Variants in GPATCH2 observed in about 807,000 individuals in gnomAD.
GPATCH2 encodes the protein G-patch domain containing 2.
In GPATCH2, 51 loss-of-function variants were observed where a neutral mutation model predicts 58.0. The ratio of observed to expected loss-of-function variants is 0.88; its 90% confidence interval spans 0.70 to 1.11. The LOEUF (loss-of-function observed/expected upper bound fraction) is 1.11. Among genes scored for constraint, GPATCH2 ranks in the 50% most tolerant of loss-of-function variants. GPATCH2 has a pLI of 0.00. For synonymous variants in GPATCH2, 222 were observed against 218.5 expected (o/e 1.02, Z -0.14); for missense variants, 625 against 652.2 (o/e 0.96, Z 0.45).
rs370931298 is a variant in GPATCH2 at position 217,448,678 on chromosome 1, T to C, written c.1366+571A>G. Reference sequence around the variant, plus strand: ...AGTCTTCTCAATACCACGCTCATTATTAGAATGGCATATTATTAGAACGAC... The same window carrying C: ...AGTCTTCTCAATACCACGCTCATTACTAGAATGGCATATTATTAGAACGAC... On this transcript the variant is annotated intron_variant, in intron 9 of 9. Coordinates refer to ENST00000366935, the MANE Select transcript of GPATCH2 (RefSeq NM_018040.5). 2.9e-4 allele frequency among the ~76,000 whole-genome samples: 44 copies of C among 152,212 alleles called. 3 individuals carry two copies. Among genetic ancestry groups the C allele is most frequent in the Admixed American group, 1.8e-3 (28 of 15,282 alleles).
At chr1:217,520,440 C>G (rs1010326579) in intron 5 of GPATCH2, among the ~76,000 whole-genome samples, 1 of 152,162 alleles carries the variant, frequency 6.6e-6, no homozygotes, top group South Asian at 2.1e-4. Context: ...AAAGGCCCAT[C>G]AGGTTCCTAT....
At chr1:217,548,508 C>T (rs1339153217) in intron 5 of GPATCH2, among the ~76,000 whole-genome samples, 1 of 152,172 alleles carries the variant, frequency 6.6e-6, no homozygotes, top group Non-Finnish European at 1.5e-5. Context: ...GAAAAGAATA[C>T]TTTGAATATT....
At chr1:217,454,888 C>T (rs984761705) in intron 8 of GPATCH2, among the ~76,000 whole-genome samples, 2 of 152,202 alleles carry the variant, frequency 1.3e-5, no homozygotes, top group Admixed American at 6.5e-5. Context: ...CCCACCTCTG[C>T]CTCCCAAAGT....
At chr1:217,444,629 A>T (rs1214670891) in intron 9 of GPATCH2, among the ~76,000 whole-genome samples, 4 of 152,234 alleles carry the variant, frequency 2.6e-5, no homozygotes, top group African/African-American at 9.6e-5. Context: ...ACACAACCGA[A>T]GAGTGGGCTG....
chr1:217,573,313 G>T (rs1666653593), intron 5 of GPATCH2, among the ~76,000 whole-genome samples: 1 of 151,956 alleles, frequency 6.6e-6, no homozygotes, highest in Admixed American at 6.6e-5. Flanking sequence ...AATGAGGAAA[G>T]TTGCATTAGA....
At chr1:217,523,772 T>A (rs1383018193) in intron 5 of GPATCH2, among the ~76,000 whole-genome samples, 2 of 146,690 alleles carry the variant, frequency 1.4e-5, no homozygotes, top group African/African-American at 5.2e-5. Flanking sequence ...GCCCCTCACC[T>A]CCCGGACGGG....
rs1658405602 is a variant in GPATCH2, at chr1:217,428,529, C to T, written c.*2616G>A. 2 of 152,146 alleles carry T rather than the reference C, an allele frequency of 1.3e-5. No individual in the cohort carries two copies. The highest frequency in any genetic ancestry group is 4.8e-5 in the African/African-American group (2 of 41,428). The allele number at this position is 152,146 out of a possible 1,614,324, so 9.4% of individuals were successfully genotyped here. The stretch of plus-strand genomic sequence containing the variant: ...TTCAGGTACAACCAGAACATCAGGT[C>T]TGTACTGAGTTTTCTTAAAGACTGA... On this transcript the variant is annotated 3_prime_UTR_variant, in exon 10 of 10. Transcript: ENST00000366935.
chr1:217,509,901 GA>G (rs1025692301), intron 6 of GPATCH2, among the ~76,000 whole-genome samples: 16 of 151,938 alleles, frequency 1.1e-4, no homozygotes, highest in Non-Finnish European at 2.2e-4. Flanking sequence ...AAACTTAAAG[GA>G]AAAAATAAGA....
intron 6 of GPATCH2, among the ~76,000 whole-genome samples, chr1:217,506,472 G>A (rs1662569111): frequency 6.6e-6 from 1 of 152,192 alleles, no homozygotes; most frequent in African/African-American, 2.4e-5. Context: ...AGGGCAAGAT[G>A]ACAGAGTATT....
chr1:217,554,354 G>A (rs1175515413), intron 5 of GPATCH2, among the ~76,000 whole-genome samples: 1 of 152,162 alleles, frequency 6.6e-6, no homozygotes, highest in Non-Finnish European at 1.5e-5. Flanking sequence ...AGCTCTGAAA[G>A]TCACAGCAGC....
intron 5 of GPATCH2, among the ~76,000 whole-genome samples, chr1:217,562,811 C>G (rs1027497948): frequency 6.6e-6 from 1 of 152,138 alleles, no homozygotes; most frequent in Admixed American, 6.5e-5. Context: ...CTCTCTAATT[C>G]ATGCAGTTGT....
At chr1:217,538,189 GT>G (rs1297045036) in intron 5 of GPATCH2, among the ~76,000 whole-genome samples, 1 of 152,126 alleles carries the variant, frequency 6.6e-6, no homozygotes, top group Non-Finnish European at 1.5e-5. Flanking sequence ...TGATATATTC[GT>G]TCATGCTTTT....
intron 5 of GPATCH2, chr1:217,608,175 T>C (rs758464912): frequency 1.5e-5 from 9 of 619,794 alleles, no homozygotes; most frequent in Non-Finnish European, 1.8e-5. Context: ...GCAGCACAAA[T>C]TGGAACTCTT....
chr1:217,445,156 T>A (rs889819273), intron 9 of GPATCH2, among the ~76,000 whole-genome samples: 26 of 152,250 alleles, frequency 1.7e-4, no homozygotes, highest in African/African-American at 6.0e-4. Context: ...TCAAAAGGCA[T>A]TTCACTTCTA....
intron 5 of GPATCH2, among the ~76,000 whole-genome samples, chr1:217,601,609 G>A (rs1419700016): frequency 2.0e-5 from 3 of 152,074 alleles, no homozygotes; most frequent in Non-Finnish European, 2.9e-5. Flanking sequence ...TATGAATAAT[G>A]TTCATTCAAT....
intron 8 of GPATCH2, among the ~76,000 whole-genome samples, chr1:217,460,700 A>G (rs940992875): frequency 3.3e-5 from 5 of 152,244 alleles, no homozygotes; most frequent in African/African-American, 1.2e-4. Context: ...AAATCTGTCT[A>G]TTCACAATTA....
rs369923607 is a variant in GPATCH2 at position 217,622,978 on chromosome 1, T to G, written c.57-2479A>C. ...CCAAGTGAATCTTTTTTCTATTATC[T>G]ATGTTATCAAATGCCCTTTTCCCTT... is the stretch of plus-strand genomic sequence containing the variant. On this transcript the variant is annotated intron_variant, in intron 1 of 9. Transcript: ENST00000366935. Among the ~76,000 whole-genome samples the G allele has an allele frequency of 8.5e-5, 13 of 152,378 alleles. No homozygotes were observed. The East Asian group carries it at 2.5e-3, about 29-fold the overall frequency.
chr1:217,457,153 T>C (rs930251730), intron 8 of GPATCH2, among the ~76,000 whole-genome samples: 1 of 152,204 alleles, frequency 6.6e-6, no homozygotes, highest in Non-Finnish European at 1.5e-5. Flanking sequence ...CTTTTCACAC[T>C]GGGGCAGCTG....
At chr1:217,453,980 A>G (rs952482637) in intron 8 of GPATCH2, among the ~76,000 whole-genome samples, 4 of 152,210 alleles carry the variant, frequency 2.6e-5, no homozygotes, top group African/African-American at 7.2e-5. Context: ...ACTCACTGTC[A>G]GTTAGAAAAA....
Sources: gnomAD v4.1 joint callset for allele counts (sites outside exome capture counted in the v4.1 genomes callset) on GRCh38, gnomAD v4.1.1 for gene constraint, MANE v1.5 for transcripts, NCBI Gene and HGNC (gene_info 2026-07-23, HGNC 2026-07-21) for gene names.